Variants in XPOT observed in about 807,000 individuals in gnomAD.
XPOT encodes the protein exportin-T.
XPOT carries 34 observed loss-of-function variants against 128.2 expected under a neutral mutation model. The ratio of observed to expected loss-of-function variants is 0.27; its 90% CI spans 0.20 to 0.35. The LOEUF (loss-of-function observed/expected upper bound fraction) is 0.35. Among genes scored for constraint, XPOT ranks in the 10% least tolerant of loss-of-function variants. The pLI is 1.00. For synonymous variants in XPOT, 348 were observed against 394.3 expected, an observed-to-expected ratio of 0.88 and a Z score of 1.39; for missense variants, 838 against 1,125.3, an observed-to-expected ratio of 0.74 and a Z score of 3.65.
chr12:64,431,796 T>C lies in XPOT; in HGVS notation c.2235T>C (p.Leu745=). The C allele has an allele frequency of 6.2e-7, 1 of 1,613,580 alleles. No individual in the cohort carries two copies. Among genetic ancestry groups the C allele is most frequent in the Non-Finnish European group, 8.5e-7 (1 of 1,179,692 alleles). ...EAKDLQEFIP[L]INQITAKFKI... is the part of the protein sequence containing the mutation. ...AAGATCTCCAGGAGTTCATTCCTCTTATCAACCAGATTACGGCCAAATTCA... is the reference window on the plus strand; with the variant it reads ...AAGATCTCCAGGAGTTCATTCCTCTCATCAACCAGATTACGGCCAAATTCA... The change falls in exon 18 of 25, where the codon CTT becomes CTC. Residue 745 remains leucine (L), a synonymous_variant. Transcript: ENST00000332707.
intron 9 of XPOT, 71 bp from the exon 10 acceptor site, chr12:64,422,934 A>G: frequency 7.5e-7 from 1 of 1,339,756 alleles, no homozygotes; most frequent in Non-Finnish European, 1.0e-6. Flanking sequence ...GTCTTAATTG[A>G]TTCGAAAAAT....
chr12:64,440,930 T>G (rs2040320074), intron 23 of XPOT, among the ~76,000 whole-genome samples: 1 of 152,208 alleles, frequency 6.6e-6, no homozygotes. Flanking sequence ...CTCTGTTGAT[T>G]GCTTACTTTA....
chr12:64,411,147 A>G (rs533444229), intron 2 of XPOT, among the ~76,000 whole-genome samples: 40 of 152,358 alleles, frequency 2.6e-4, no homozygotes, highest in African/African-American at 9.6e-4. Flanking sequence ...GGCTAATTAC[A>G]AGATACCTAT....
chr12:64,444,091 C>G (rs61931557), intron 23 of XPOT, among the ~76,000 whole-genome samples: 19,438 of 152,154 alleles, frequency 0.13, 1,390 homozygotes, highest in Middle Eastern at 0.22. Flanking sequence ...TAAGGAACCT[C>G]AGTTTTCCCT....
chr12:64,442,213 C>T (rs1046566335), intron 23 of XPOT, among the ~76,000 whole-genome samples: 1 of 152,058 alleles, frequency 6.6e-6, no homozygotes, highest in Non-Finnish European at 1.5e-5. Context: ...CTCCACCTCC[C>T]GGGTTCAAGC....
In XPOT at chr12:64,450,163, C is replaced by A. The variant is rs1239396357; in HGVS notation, c.*2032C>A. On this transcript the variant is annotated 3_prime_UTR_variant, in exon 25 of 25. Coordinates refer to ENST00000332707, the MANE Select transcript of XPOT (RefSeq NM_007235.6). ...TAGTGTATCACTATACTTTTTTTTTCTTTTTTTTTTTTGAATAGAGATCAG... is the reference window on the plus strand; with the variant it reads ...TAGTGTATCACTATACTTTTTTTTTATTTTTTTTTTTTGAATAGAGATCAG... 7.0e-6 allele frequency: 1 copy of A among 143,642 alleles called. No individual in the cohort carries two copies. The highest frequency in any genetic ancestry group is 2.5e-5 in the African/African-American group (1 of 39,352). The allele number at this position is 143,642 out of a possible 1,614,324, so 8.9% of individuals were successfully genotyped here. A position where few individuals can be genotyped will look rare whatever the true frequency, so the allele number is the denominator to read the frequency against.
At chr12:64,422,948 C>A in intron 9 of XPOT, 57 bp from the exon 10 acceptor site, 6 of 1,395,738 alleles carry the variant, frequency 4.3e-6, no homozygotes, top group Middle Eastern at 2.6e-4. Context: ...GAAAAATGTT[C>A]TGATATGCAG....
chr12:64,416,314 A>G (rs1303931668), intron 3 of XPOT, among the ~76,000 whole-genome samples: 1 of 152,242 alleles, frequency 6.6e-6, no homozygotes, highest in Non-Finnish European at 1.5e-5. Context: ...ACTTTCACTC[A>G]GACTCTGTCT....
rs2040397853 is a variant in XPOT at position 64,450,100 on chromosome 12, A to G, written c.*1969A>G. On this transcript the variant is annotated 3_prime_UTR_variant, in exon 25 of 25. Transcript: ENST00000332707. ...GCACATAAAGACTTGATAGTAGTTT[A>G]TATGGATGCTATCTCATATTAGCAT... 1 of 152,178 alleles carries G rather than the reference A, an allele frequency of 6.6e-6. No homozygotes were observed. Among genetic ancestry groups the G allele is most frequent in the Non-Finnish European group, 1.5e-5 (1 of 68,034 alleles). 9.4% of individuals were successfully genotyped at this position (152,178 alleles called of 1,614,324 possible).
intron 12 of XPOT, 32 bp from the exon 13 acceptor site, chr12:64,425,006 T>G: frequency 6.2e-7 from 1 of 1,610,652 alleles, no homozygotes; most frequent in Non-Finnish European, 8.5e-7. Flanking sequence ...AAATTTATCT[T>G]TAAATCTCAC....
intron 23 of XPOT, among the ~76,000 whole-genome samples, chr12:64,444,186 G>A (rs1045442335): frequency 1.3e-5 from 2 of 151,896 alleles, no homozygotes; most frequent in Non-Finnish European, 2.9e-5. Context: ...GCTCTGTTTG[G>A]TTATCCCTCT....
At chr12:64,416,637 C>T in intron 3 of XPOT, 61 bp from the exon 4 acceptor site, 1 of 1,426,000 alleles carries the variant, frequency 7.0e-7, no homozygotes, top group South Asian at 1.2e-5. Flanking sequence ...ACTATTTTGC[C>T]TTTGATTTGT....
intron 11 of XPOT, among the ~76,000 whole-genome samples, chr12:64,423,864 T>G (rs2040166305): frequency 6.6e-6 from 1 of 152,186 alleles, no homozygotes; most frequent in Non-Finnish European, 1.5e-5. Flanking sequence ...TGAACTCCAG[T>G]CACAAGACTG....
intron 17 of XPOT, among the ~76,000 whole-genome samples, chr12:64,430,804 G>A (rs1006688978): frequency 1.3e-5 from 2 of 152,196 alleles, no homozygotes; most frequent in Non-Finnish European, 2.9e-5. Flanking sequence ...TAGAGAGGTT[G>A]TATAAAGAAT....
intron 18 of XPOT, 129 bp downstream of exon 18, chr12:64,431,952 A>C (rs1034754981): frequency 1.6e-5 from 14 of 901,528 alleles, no homozygotes; most frequent in African/African-American, 5.1e-5. Context: ...AGCCTCATGG[A>C]TCATATGTAT....
chr12:64,440,464 A>G (rs572720118), intron 23 of XPOT, among the ~76,000 whole-genome samples: 22 of 152,348 alleles, frequency 1.4e-4, no homozygotes, highest in African/African-American at 5.3e-4. Context: ...CAATTCTTTT[A>G]GATAAATACC....
chr12:64,431,879 T>C (rs1397388565), intron 18 of XPOT, 56 bp downstream of exon 18: 13 of 1,546,820 alleles, frequency 8.4e-6, no homozygotes, highest in Admixed American at 2.0e-5. Context: ...GTATTTATCT[T>C]CAGACATGTT....
intron 22 of XPOT, among the ~76,000 whole-genome samples, chr12:64,436,541 G>T (rs529494606): frequency 2.0e-5 from 3 of 152,116 alleles, no homozygotes; most frequent in Non-Finnish European, 4.4e-5. Flanking sequence ...GATAATAGGC[G>T]TGAGCCACTG....
At chr12:64,437,306 C>T (rs1426804678) in intron 22 of XPOT, among the ~76,000 whole-genome samples, 1 of 152,130 alleles carries the variant, frequency 6.6e-6, no homozygotes, top group East Asian at 1.9e-4. Context: ...GGGTTAAGTA[C>T]TTTAGTGGAG....
Sources: gnomAD v4.1 joint callset for allele counts (sites outside exome capture counted in the v4.1 genomes callset) on GRCh38, gnomAD v4.1.1 for gene constraint, MANE v1.5 for transcripts, NCBI Gene and HGNC (gene_info 2026-07-23, HGNC 2026-07-21) for gene names.